SLC9A7: variants seen among roughly 807,000 people sequenced by gnomAD.
The protein encoded by SLC9A7 is sodium/hydrogen exchanger 7.
Under a neutral mutation model 52.6 loss-of-function variants are expected in SLC9A7, and 19 were observed. That is an observed-to-expected ratio of 0.36 (90% CI 0.25 to 0.53). SLC9A7 has a LOEUF of 0.53. Ranked by LOEUF, SLC9A7 falls within the 20% of genes least tolerant of loss-of-function variation. The probability of loss-of-function intolerance (pLI) is 0.91; values close to 1 mark genes in which losing one functional copy is unlikely to be tolerated. For synonymous variants in SLC9A7, 226 were observed against 252.1 expected, an observed-to-expected ratio of 0.90 and a Z score of 0.98; for missense variants, 455 against 597.9, an observed-to-expected ratio of 0.76 and a Z score of 2.49.
In SLC9A7 at chrX:46,759,043, C is replaced by T. The variant is rs1190995277; in HGVS notation, c.-14G>A. The T allele has an allele frequency of 6.6e-6, 6 of 915,250 alleles. No individual in the cohort carries two copies. Among genetic ancestry groups the T allele is most frequent in the Non-Finnish European group, 8.1e-6 (6 of 742,469 alleles). 75.4% of individuals were successfully genotyped at this position (915,250 alleles called of 1,213,427 possible). A position where few individuals can be genotyped will look rare whatever the true frequency, so the allele number is the denominator to read the frequency against. On this transcript the variant is annotated 5_prime_UTR_variant, in exon 1 of 17. Coordinates refer to ENST00000616978, the MANE Select transcript of SLC9A7 (RefSeq NM_001257291.2). ...ACCAGGCTCCATGGTCCCGGGGCCC[C>T]CCGCGCCTCCTCCGAGCGGGGACCA...
Position 46,648,817 on chromosome X carries a change from T to C in SLC9A7, c.1351-20A>G, listed in dbSNP as rs369528852. On this transcript the variant is annotated intron_variant, in intron 10 of 16. Coordinates refer to ENST00000616978, the MANE Select transcript of SLC9A7 (RefSeq NM_001257291.2). ...GGCAACCTGACCACAAGGTAGAAGGTTAAGGGACCAACAGTTTCCAGAATG... is the reference window on the plus strand; with the variant it reads ...GGCAACCTGACCACAAGGTAGAAGGCTAAGGGACCAACAGTTTCCAGAATG... 13 of 1,115,130 alleles carry C rather than the reference T, an allele frequency of 1.2e-5. No individual in the cohort carries two copies. In the African/African-American group the frequency reaches 2.2e-4, roughly 19 times the overall value. The allele number at this position is 1,115,130 out of a possible 1,213,427, so 91.9% of individuals were successfully genotyped here. A position where few individuals can be genotyped will look rare whatever the true frequency, so the allele number is the denominator to read the frequency against.
In SLC9A7 at chrX:46,624,566, A is replaced by C. The variant is rs34482089; in HGVS notation, c.1741-3507T>G. Among the ~76,000 whole-genome samples, 162 of 112,302 alleles carry C rather than the reference A, an allele frequency of 1.4e-3. 4 individuals are homozygous for C. In the East Asian group the frequency reaches 0.04, roughly 28 times the overall value. On this transcript the variant is annotated intron_variant, in intron 14 of 16. Coordinates refer to ENST00000616978, the MANE Select transcript of SLC9A7 (RefSeq NM_001257291.2). ...TGTGGCAAGCACTCAACAAATATTG[A>C]CTCATTATTGTTTGCCATGTGACTT...
chrX:46,737,698 A>G (rs1021251706), intron 1 of SLC9A7, among the ~76,000 whole-genome samples: 1 of 111,570 alleles, frequency 9.0e-6, no homozygotes, highest in African/African-American at 3.3e-5. Context: ...GCATTAGGTA[A>G]TAACTCACTG....
chrX:46,627,418 G>A (rs1348025962), intron 14 of SLC9A7, among the ~76,000 whole-genome samples: 1 of 111,655 alleles, frequency 9.0e-6, no homozygotes, highest in African/African-American at 3.3e-5. Context: ...CCTAGATCAG[G>A]GCTTTTCTAA....
At position 46,758,961 on chromosome X, in the gene SLC9A7, C is replaced by T; in HGVS notation, c.69G>A (p.Leu23=). ...CCCAACCCAGCAGCAGCGGCAGCAG[C>T]AGCAGCCGCGGCGGCGGCGCCCCGG... ...RATGAPPPRL[L]LLPLLLGWGL... is the part of the protein sequence containing the mutation. The change falls in exon 1 of 17, where the codon CTG becomes CTA. Residue 23 remains leucine, a synonymous_variant. Transcript: ENST00000616978. 1 of 1,060,290 alleles carries T rather than the reference C, an allele frequency of 9.4e-7. No homozygotes were observed. The highest frequency in any genetic ancestry group is 1.2e-6 in the Non-Finnish European group (1 of 827,790). 87.4% of individuals were successfully genotyped at this position (1,060,290 alleles called of 1,213,427 possible).
chrX:46,647,690 G>A (rs1373923492), intron 11 of SLC9A7, among the ~76,000 whole-genome samples: 1 of 112,880 alleles, frequency 8.9e-6, no homozygotes, highest in Non-Finnish European at 1.9e-5. Flanking sequence ...TATGAAAAGA[G>A]GATGCTCAAT....
intron 14 of SLC9A7, 114 bp from the exon 15 acceptor site, chrX:46,621,173 C>A (rs746116814): frequency 2.4e-6 from 1 of 420,895 alleles, no homozygotes; most frequent in Non-Finnish European, 4.1e-6. Context: ...GTCAAACATC[C>A]CATGTCAGCA....
intron 1 of SLC9A7, among the ~76,000 whole-genome samples, chrX:46,724,990 C>A (rs1376271514): frequency 8.9e-6 from 1 of 111,862 alleles, no homozygotes; most frequent in African/African-American, 3.2e-5. Context: ...GTTTCCCAAA[C>A]AATGAGTCTC....
intron 1 of SLC9A7, among the ~76,000 whole-genome samples, chrX:46,687,628 A>G (rs368850103): frequency 1.8e-5 from 2 of 112,144 alleles, no homozygotes; most frequent in East Asian, 5.6e-4. Context: ...TCGTTGATAT[A>G]TTAGTTTCAA....
At chrX:46,636,552 C>T (rs944574330) in intron 12 of SLC9A7, among the ~76,000 whole-genome samples, 2 of 109,916 alleles carry the variant, frequency 1.8e-5, no homozygotes, top group Non-Finnish European at 3.8e-5. Context: ...CAAAATTGCC[C>T]TCAGTTGAAA....
At chrX:46,728,780 T>C (rs1212930514) in intron 1 of SLC9A7, among the ~76,000 whole-genome samples, 2 of 112,642 alleles carry the variant, frequency 1.8e-5, no homozygotes, top group East Asian at 2.7e-4. Flanking sequence ...AACTGTGATA[T>C]ATCCAGACAA....
chrX:46,665,557 CAAAAAAAAAAAA>C (rs754854403), intron 5 of SLC9A7, among the ~76,000 whole-genome samples: 2 of 21,786 alleles, frequency 9.2e-5, no homozygotes, highest in Non-Finnish European at 1.9e-4. Context: ...GACTCCATCT[CAAAAAAAAAAAA>C]AAAAAAAAAA....
intron 1 of SLC9A7, among the ~76,000 whole-genome samples, chrX:46,722,869 T>C (rs1307202741): frequency 3.6e-5 from 4 of 112,059 alleles, no homozygotes; most frequent in Admixed American, 9.5e-5. Flanking sequence ...ACGGAACCAA[T>C]TGTCACTCAC....
intron 14 of SLC9A7, among the ~76,000 whole-genome samples, chrX:46,626,997 T>C (rs1419101790): frequency 9.0e-6 from 1 of 111,603 alleles, no homozygotes; most frequent in Non-Finnish European, 1.9e-5. Flanking sequence ...ATCCAAGATT[T>C]CTCAGCAGAG....
chrX:46,709,434 A>C (rs910972970), intron 1 of SLC9A7, among the ~76,000 whole-genome samples: 2 of 111,060 alleles, frequency 1.8e-5, no homozygotes, highest in African/African-American at 6.6e-5. Context: ...TCAGAAAAAA[A>C]AATTTAAAGG....
At position 46,628,996 on chromosome X, in the gene SLC9A7, T is replaced by C. The variant is rs372516670; in HGVS notation, c.1740+2590A>G. Among the ~76,000 whole-genome samples the C allele has an allele frequency of 8.9e-5, 10 of 112,519 alleles. No homozygotes were observed. In the East Asian group the frequency reaches 1.7e-3, roughly 19 times the overall value. ...GGCGTGAGTCATTTCTAAGAGGGTG[T>C]CCTGGAGAACCAAGCTTGAAGTTTG... On this transcript the variant is annotated intron_variant, in intron 14 of 16. Coordinates refer to ENST00000616978, the MANE Select transcript of SLC9A7 (RefSeq NM_001257291.2).
At chrX:46,716,230 G>C (rs909426083) in intron 1 of SLC9A7, among the ~76,000 whole-genome samples, 2 of 111,511 alleles carry the variant, frequency 1.8e-5, no homozygotes, top group South Asian at 7.5e-4. Flanking sequence ...TATCATTAAG[G>C]GGATAAGTGG....
intron 1 of SLC9A7, among the ~76,000 whole-genome samples, chrX:46,740,903 C>CAAAAA (rs202063535): frequency 1.1e-5 from 1 of 91,850 alleles, no homozygotes. Flanking sequence ...ATGAAATAAG[C>CAAAAA]AAAAAAAAAA....
chrX:46,706,582 G>A (rs149418207), intron 1 of SLC9A7, among the ~76,000 whole-genome samples: 7 of 110,486 alleles, frequency 6.3e-5, no homozygotes, highest in African/African-American at 2.0e-4. Flanking sequence ...ACCTCTGCTT[G>A]CCATCTCTCT....
Sources: gnomAD v4.1 joint callset for allele counts (sites outside exome capture counted in the v4.1 genomes callset) on GRCh38, gnomAD v4.1.1 for gene constraint, MANE v1.5 for transcripts, NCBI Gene and HGNC (gene_info 2026-07-23, HGNC 2026-07-21) for gene names.